IGF2R: variants seen among roughly 807,000 people sequenced by gnomAD.
The protein encoded by IGF2R is cation-independent mannose-6-phosphate receptor.
A neutral mutation model predicts 270.6 loss-of-function variants in IGF2R; 91 were observed. That is an observed-to-expected ratio of 0.34 (90% confidence interval 0.28 to 0.40). The LOEUF (loss-of-function observed/expected upper bound fraction) is 0.40. Ranked by LOEUF, IGF2R falls within the 10% of genes least tolerant of loss-of-function variation. IGF2R has a pLI of 1.00. For synonymous variants in IGF2R, 1,316 were observed against 1,258.9 expected (o/e 1.05, Z -0.96); for missense variants, 2,805 against 3,188.3 (o/e 0.88, Z 2.90).
At chr6:159,973,407 A>G (rs1032698814) in intron 1 of IGF2R, among the ~76,000 whole-genome samples, 1 of 152,208 alleles carries the variant, frequency 6.6e-6, no homozygotes, top group Non-Finnish European at 1.5e-5. Context: ...AAGAGCTTCA[A>G]AATTTGTACA....
rs1300346010 is a variant in IGF2R at position 160,012,745 on chromosome 6, T to TTTTATATATATATATA, written c.513+1961_513+1962insTTATATATATATATAT. ...GCATGAGCCACCATGCCCGGCTAAT[T>TTTTATATATATATATA]TATATATATATATATATATTTTTTT... On this transcript the variant is annotated intron_variant, in intron 4 of 47. Coordinates refer to ENST00000356956, the MANE Select transcript of IGF2R (RefSeq NM_000876.4). Among the ~76,000 whole-genome samples the TTTTATATATATATATA allele has an allele frequency of 2.8e-5, 3 of 105,304 alleles. 1 individual carries two copies. Among genetic ancestry groups the TTTTATATATATATATA allele is most frequent in the Non-Finnish European group, 6.0e-5 (3 of 49,868 alleles). 69.1% of individuals were successfully genotyped at this position (105,304 alleles called of 152,430 possible). A position where few individuals can be genotyped will look rare whatever the true frequency, so the allele number is the denominator to read the frequency against.
At chr6:160,012,541 C>T (rs557765640) in intron 4 of IGF2R, among the ~76,000 whole-genome samples, 88 of 151,542 alleles carry the variant, frequency 5.8e-4, no homozygotes, top group Non-Finnish European at 9.1e-4. Flanking sequence ...GGAGGTGCCG[C>T]CCACTTTGAA....
chr6:160,089,785 T>C, intron 43 of IGF2R, 131 bp from the exon 44 acceptor site: 2 of 563,574 alleles, frequency 3.5e-6, no homozygotes, highest in Non-Finnish European at 3.0e-6. Flanking sequence ...TGCCCTAGCG[T>C]GTCCGTGCTT....
Position 160,105,104 on chromosome 6 carries a change from G to A in IGF2R, c.*20G>A. 1 of 1,511,372 alleles carries A rather than the reference G, an allele frequency of 6.6e-7. No individual in the cohort carries two copies. The highest frequency in any genetic ancestry group is 8.9e-7 in the Non-Finnish European group (1 of 1,128,060). 93.6% of individuals were successfully genotyped at this position (1,511,372 alleles called of 1,614,324 possible). On this transcript the variant is annotated 3_prime_UTR_variant, in exon 48 of 48. Coordinates refer to ENST00000356956, the MANE Select transcript of IGF2R (RefSeq NM_000876.4). ...ATCTGACTCCGCAGTGCCTGCAGGG[G>A]AGCACGGAGCCGCGGGACAGCCAAG...
At chr6:160,066,758 C>G (rs1778593890) in intron 29 of IGF2R, among the ~76,000 whole-genome samples, 1 of 152,158 alleles carries the variant, frequency 6.6e-6, no homozygotes, top group Non-Finnish European at 1.5e-5. Flanking sequence ...CTGTTCTCCT[C>G]TCCTCTTTCC....
intron 6 of IGF2R, among the ~76,000 whole-genome samples, chr6:160,029,118 G>T (rs986944864): frequency 1.3e-5 from 2 of 152,076 alleles, no homozygotes; most frequent in Admixed American, 1.3e-4. Flanking sequence ...CAGTAGCTGG[G>T]ACTAGAGGCG....
chr6:160,035,652 A>G (rs1777803140), intron 10 of IGF2R, among the ~76,000 whole-genome samples: 1 of 152,154 alleles, frequency 6.6e-6, no homozygotes, highest in East Asian at 1.9e-4. Context: ...TTACTTTCAC[A>G]ATACACACAT....
chr6:160,033,580 AC>A (rs1278469271), intron 9 of IGF2R, among the ~76,000 whole-genome samples: 3 of 152,272 alleles, frequency 2.0e-5, no homozygotes, highest in Non-Finnish European at 4.4e-5. Context: ...GCCGTTTGTC[AC>A]TAAACAATCA....
chr6:159,969,366 C>A lies in IGF2R; in HGVS notation c.120C>A (p.Ala40=). The A allele has an allele frequency of 7.8e-7, 1 of 1,288,480 alleles. No individual in the cohort carries two copies. The highest frequency in any genetic ancestry group is 9.8e-7 in the Non-Finnish European group (1 of 1,016,870). 79.8% of individuals were successfully genotyped at this position (1,288,480 alleles called of 1,614,324 possible). Residue 40 remains alanine (A), a synonymous_variant, in exon 1 of 48, where the codon GCC becomes GCA. Transcript: ENST00000356956. ...LLVAAPGSTQ[A]QAAPFPELCS... is the part of the protein sequence containing the mutation. The stretch of plus-strand genomic sequence containing the variant: ...TCGCTGCCCCGGGGTCCACGCAGGC[C>A]CAGGCCGCCCCGTTCCCCGAGCTGT...
In IGF2R at chr6:160,110,439, G is replaced by A. The variant is rs920605031; in HGVS notation, c.*5355G>A. The A allele has an allele frequency of 6.6e-6, 1 of 152,254 alleles. No individual in the cohort carries two copies. The highest frequency in any genetic ancestry group is 1.9e-4 in the East Asian group (1 of 5,200). The allele number at this position is 152,254 out of a possible 1,614,324, so 9.4% of individuals were successfully genotyped here. A position where few individuals can be genotyped will look rare whatever the true frequency, so the allele number is the denominator to read the frequency against. ...GTCAGACGAAAGACAACAAGTGTGG[G>A]TGAGGATGTGGAGAAAAGCGAACAC... On this transcript the variant is annotated 3_prime_UTR_variant, in exon 48 of 48. Coordinates refer to ENST00000356956, the MANE Select transcript of IGF2R (RefSeq NM_000876.4).
At chr6:160,096,827 A>G (rs1298513595) in intron 45 of IGF2R, among the ~76,000 whole-genome samples, 1 of 152,140 alleles carries the variant, frequency 6.6e-6, no homozygotes, top group Non-Finnish European at 1.5e-5. Flanking sequence ...TTTTTGGTCC[A>G]TGGCTGCGTC....
Position 160,106,922 on chromosome 6 carries a change from A to C in IGF2R, c.*1838A>C, listed in dbSNP as rs1779633697. On this transcript the variant is annotated 3_prime_UTR_variant, in exon 48 of 48. Coordinates refer to ENST00000356956, the MANE Select transcript of IGF2R (RefSeq NM_000876.4). ...TGTTTTCTCTTGAGTAAACTCACTG[A>C]GTTTTCCATCTTAAATTACTCAGCA... 6.6e-6 allele frequency: 1 copy of C among 152,104 alleles called. No homozygotes were observed. The highest frequency in any genetic ancestry group is 1.5e-5 in the Non-Finnish European group (1 of 68,020). 9.4% of individuals were successfully genotyped at this position (152,104 alleles called of 1,614,324 possible).
rs775872733 is a variant in IGF2R, at chr6:160,071,936, C to T, written c.4470C>T (p.Ala1490=). The change falls in exon 32 of 48, where the codon GCC becomes GCT. Residue 1490 remains alanine, a synonymous_variant. Transcript: ENST00000356956. ...QVNSRPMFIS[A]VEDCEYTFAW... ...ACTCCAGGCCCATGTTCATCAGCGCCGTGGAGGACTGTGAGTACACCTTTG... is the reference window on the plus strand; with the variant it reads ...ACTCCAGGCCCATGTTCATCAGCGCTGTGGAGGACTGTGAGTACACCTTTG... 1.3e-5 allele frequency: 21 copies of T among 1,614,034 alleles called. No individual in the cohort carries two copies. The Middle Eastern group carries it at 4.9e-4, about 38-fold the overall frequency.
chr6:160,065,630 T>G (rs1183370493), intron 29 of IGF2R, among the ~76,000 whole-genome samples: 1 of 151,984 alleles, frequency 6.6e-6, no homozygotes, highest in African/African-American at 2.4e-5. Flanking sequence ...TCATTTCTAC[T>G]GGATGGGAAA....
In IGF2R at chr6:160,050,477, C is replaced by T. The variant is rs1583280027; in HGVS notation, c.2519C>T (p.Ser840Phe). The change falls in exon 19 of 48, where the codon TCC becomes TTC. Residue 840 changes from serine (S) to phenylalanine (F), a missense_variant. Coordinates refer to ENST00000356956, the MANE Select transcript of IGF2R (RefSeq NM_000876.4). This position sits in a 1 kb window ranked among gnomAD's most constrained non-coding sequence, Gnocchi z 4.0. ...ACAAGACTGGTTTTCTTGCAGGGCT[C>T]CTTCACTGAAGTGGTTTCCATCAGT... Reference protein sequence around the residue: ...CQMKYEKDQGSFTEVVSISNL... With the variant: ...CQMKYEKDQGFFTEVVSISNL... The T allele has an allele frequency of 1.2e-6, 2 of 1,607,460 alleles. No individual in the cohort carries two copies. Among genetic ancestry groups the T allele is most frequent in the Non-Finnish European group, 1.7e-6 (2 of 1,174,578 alleles).
intron 2 of IGF2R, chr6:160,007,312 TACA>T (rs1317936204): frequency 6.6e-6 from 1 of 152,232 alleles, no homozygotes; most frequent in African/African-American, 2.4e-5. Flanking sequence ...CCTGCTGACT[TACA>T]TAGTTGTTGA....
intron 1 of IGF2R, among the ~76,000 whole-genome samples, chr6:159,976,574 C>G (rs1344595508): frequency 6.6e-6 from 1 of 152,034 alleles, no homozygotes; most frequent in African/African-American, 2.4e-5. Context: ...AATCATTTTG[C>G]ATAATTAAGA....
intron 10 of IGF2R, among the ~76,000 whole-genome samples, chr6:160,037,096 C>T (rs1672593099): frequency 6.6e-6 from 1 of 152,192 alleles, no homozygotes; most frequent in African/African-American, 2.4e-5. Flanking sequence ...GCTCATATCA[C>T]CCCACCCTGA....
intron 6 of IGF2R, 97 bp downstream of exon 6, chr6:160,027,411 G>T: frequency 1.5e-6 from 2 of 1,363,444 alleles, no homozygotes; most frequent in Non-Finnish European, 2.0e-6. Context: ...GCAAGGCTTG[G>T]GATAGTCCCT....
Sources: allele counts gnomAD v4.1 joint callset (sites outside exome capture counted in the v4.1 genomes callset), GRCh38; gene constraint gnomAD v4.1.1; non-coding constraint Gnocchi (gnomAD v3.1); transcripts MANE v1.5; gene names NCBI Gene and HGNC (gene_info 2026-07-23, HGNC 2026-07-21).